PTPRF: variants seen among roughly 807,000 people sequenced by gnomAD.
PTPRF encodes the protein protein tyrosine phosphatase receptor type F.
In PTPRF, 59 loss-of-function variants were observed where a neutral mutation model predicts 201.8. The observed-to-expected ratio is 0.29, with a 90% confidence interval of 0.24 to 0.36. The LOEUF is 0.36. Ranked by LOEUF, PTPRF falls within the 10% of genes least tolerant of loss-of-function variation. The probability of loss-of-function intolerance (pLI) is 1.00; values close to 1 mark genes in which losing one functional copy is unlikely to be tolerated. For synonymous variants in PTPRF, 1,088 were observed against 1,089.7 expected (o/e 1.00, Z 0.03); for missense variants, 2,132 against 2,690.5 (o/e 0.79, Z 4.59).
rs145092417 is a variant in PTPRF at position 43,603,678 on chromosome 1, A to G, written c.2526A>G (p.Pro842=). Residue 842 remains proline (P), a synonymous_variant, in exon 16 of 34, where the codon CCA becomes CCG. Transcript: ENST00000359947. The surrounding 1 kb of genome is among the most constrained non-coding windows in gnomAD (Gnocchi z 5.8). ...AMNTALLQWH[P]PKELPGELLG... ...ACACTGCGCTGCTCCAGTGGCACCCACCCAAGGAACTGCCTGGCGAGCTGC... is the reference window on the plus strand; with the variant it reads ...ACACTGCGCTGCTCCAGTGGCACCCGCCCAAGGAACTGCCTGGCGAGCTGC... The G allele has an allele frequency of 2.8e-4, 449 of 1,613,534 alleles. No homozygotes were observed. In the African/African-American group the frequency reaches 5.6e-3, roughly 20 times the overall value.
At chr1:43,567,314 G>A (rs1466037353) in intron 5 of PTPRF, among the ~76,000 whole-genome samples, 1 of 152,196 alleles carries the variant, frequency 6.6e-6, no homozygotes, top group African/African-American at 2.4e-5. Flanking sequence ...CCTGCCTGGT[G>A]CATCTCAGTC....
intron 3 of PTPRF, among the ~76,000 whole-genome samples, chr1:43,548,711 T>C (rs989490299): frequency 1.1e-4 from 16 of 151,960 alleles, no homozygotes; most frequent in African/African-American, 3.6e-4. Context: ...TCCAGGGGGG[T>C]ACCAGGAACA....
intron 23 of PTPRF, 43 bp downstream of exon 23, chr1:43,613,758 A>G: frequency 6.5e-7 from 1 of 1,536,572 alleles, no homozygotes; most frequent in Non-Finnish European, 9.0e-7. Flanking sequence ...GCCCAGGCCT[A>G]CCCAAACCAG....
chr1:43,530,251 A>G (rs1643323635), upstream of PTPRF, among the ~76,000 whole-genome samples: 1 of 151,792 alleles, frequency 6.6e-6, no homozygotes, highest in African/African-American at 2.4e-5. This position sits in a 1 kb window ranked among gnomAD's most constrained non-coding sequence, Gnocchi z 4.1. Flanking sequence ...GCAGTACTGG[A>G]GTTTTATGTA....
At chr1:43,531,541 G>GCGCCCC (rs904200390) in intron 1 of PTPRF, among the ~76,000 whole-genome samples, 4 of 146,926 alleles carry the variant, frequency 2.7e-5, no homozygotes, top group Non-Finnish European at 6.1e-5. Flanking sequence ...GGTCCAGGCC[G>GCGCCCC]CGCCCCCGCC....
Position 43,591,825 on chromosome 1 carries a change from C to T in PTPRF, c.1545C>T (p.Pro515=), listed in dbSNP as rs779370540. 1.9e-5 allele frequency: 30 copies of T among 1,613,116 alleles called. No homozygotes were observed. Among genetic ancestry groups the T allele is most frequent in the Admixed American group, 5.0e-5 (3 of 59,994 alleles). The change falls in exon 10 of 34, where the codon CCC becomes CCT. Residue 515 remains proline (P), a synonymous_variant. Coordinates refer to ENST00000359947, the MANE Select transcript of PTPRF (RefSeq NM_002840.5). ...GGGGTGTTGCAGTGCCTGCCCAGCC[C>T]GCGGACTTCCAGGCCGAGGTGGAGT... is the stretch of plus-strand genomic sequence containing the variant. ...VKTQQGVPAQ[P]ADFQAEVESD... is the part of the protein sequence containing the mutation.
At chr1:43,617,173 AC>A (rs1225153513) in intron 23 of PTPRF, among the ~76,000 whole-genome samples, 1 of 151,722 alleles carries the variant, frequency 6.6e-6, no homozygotes, top group Non-Finnish European at 1.5e-5. Flanking sequence ...GCTTCGAGAG[AC>A]CCTTCACCTG....
At chr1:43,616,101 G>A (rs1485367087) in intron 23 of PTPRF, among the ~76,000 whole-genome samples, 1 of 151,948 alleles carries the variant, frequency 6.6e-6, no homozygotes, top group Non-Finnish European at 1.5e-5. Flanking sequence ...TGTGGGGTGT[G>A]CTGCGGGGTC....
intron 11 of PTPRF, among the ~76,000 whole-genome samples, chr1:43,596,395 C>G (rs1194528879): frequency 6.6e-6 from 1 of 151,910 alleles, no homozygotes; most frequent in Non-Finnish European, 1.5e-5. Context: ...TGCTGAAGTC[C>G]CCATGGCAGG....
chr1:43,568,185 C>T (rs1190654780), intron 5 of PTPRF, among the ~76,000 whole-genome samples: 1 of 151,902 alleles, frequency 6.6e-6, no homozygotes, highest in Non-Finnish European at 1.5e-5. Context: ...ATCCCAGCTA[C>T]TCGGGAGGCT....
chr1:43,564,592 A>G (rs1308591811), intron 5 of PTPRF, among the ~76,000 whole-genome samples: 5 of 151,718 alleles, frequency 3.3e-5, no homozygotes, highest in African/African-American at 1.2e-4. Context: ...CTGTTTCTCC[A>G]TGTATATTTC....
In PTPRF at chr1:43,606,623, G is replaced by A. The variant is rs570920676; in HGVS notation, c.3702+165G>A. On this transcript the variant is annotated intron_variant, in intron 20 of 33. Transcript: ENST00000359947. ...AGATCTGTCCCGGGGATCCTAAGAC[G>A]CGGCCCTGGGACCCAGAGGCCAGAC... Among the ~76,000 whole-genome samples, 10 of 152,100 alleles carry A rather than the reference G, an allele frequency of 6.6e-5. No homozygotes were observed. In the South Asian group the frequency reaches 8.3e-4, roughly 13 times the overall value.
At chr1:43,606,695 G>A in intron 20 of PTPRF, 119 bp from the exon 21 acceptor site, 6 of 1,405,160 alleles carry the variant, frequency 4.3e-6, no homozygotes, top group Non-Finnish European at 5.8e-6. Context: ...ACCTTGTAGG[G>A]TCTGGGAGAC....
At position 43,620,237 on chromosome 1, in the gene PTPRF, C is replaced by A; in HGVS notation, c.5238+16C>A. The A allele has an allele frequency of 1.2e-6, 2 of 1,613,016 alleles. No homozygotes were observed. The highest frequency in any genetic ancestry group is 1.7e-6 in the Non-Finnish European group (2 of 1,179,358). On this transcript the variant is annotated intron_variant, in intron 30 of 33. Coordinates refer to ENST00000359947, the MANE Select transcript of PTPRF (RefSeq NM_002840.5). Reference sequence around the variant, plus strand: ...GATGGGCAGGGTGAGCCCACCCTTTCCCCCAGGGCCCCTGTCATACCTGGG... The same window carrying A: ...GATGGGCAGGGTGAGCCCACCCTTTACCCCAGGGCCCCTGTCATACCTGGG...
At chr1:43,598,116 C>G in intron 12 of PTPRF, 63 bp downstream of exon 12, 1 of 1,409,892 alleles carries the variant, frequency 7.1e-7, no homozygotes, top group South Asian at 1.5e-5. Context: ...CACCAAGCTC[C>G]CCAGGGCCTT....
intron 13 of PTPRF, among the ~76,000 whole-genome samples, chr1:43,599,376 A>G (rs1203646452): frequency 6.6e-6 from 1 of 152,162 alleles, no homozygotes; most frequent in East Asian, 1.9e-4. Context: ...GTGCCCCACC[A>G]GGTCGGGGTT....
chr1:43,614,090 A>G (rs370092572), intron 23 of PTPRF, among the ~76,000 whole-genome samples: 3 of 152,374 alleles, frequency 2.0e-5, no homozygotes, highest in Admixed American at 2.0e-4. Context: ...AGCATCCTGC[A>G]GGCCAGCACC....
At chr1:43,544,828 G>T (rs532317846) in intron 2 of PTPRF, among the ~76,000 whole-genome samples, 251 of 152,026 alleles carry the variant, frequency 1.7e-3, no homozygotes, top group Non-Finnish European at 2.9e-3. Context: ...GTCCTTGTGG[G>T]TGCTGGGGAA....
At position 43,535,815 on chromosome 1, in the gene PTPRF, C is replaced by T. The variant is rs183752834; in HGVS notation, c.-125-2383C>T. On this transcript the variant is annotated intron_variant, in intron 1 of 33. Transcript: ENST00000359947. ...TTTGAAACAGAATCTCACTCTGTTGCCCAGGCTGGAGTGTAGTGGTGCAGT... is the reference window on the plus strand; with the variant it reads ...TTTGAAACAGAATCTCACTCTGTTGTCCAGGCTGGAGTGTAGTGGTGCAGT... Among the ~76,000 whole-genome samples the T allele has an allele frequency of 4.3e-3, 658 of 152,314 alleles. 3 individuals are homozygous for T. The highest frequency in any genetic ancestry group is 5.2e-3 in the Non-Finnish European group (351 of 68,018).
Sources: allele counts gnomAD v4.1 joint callset (sites outside exome capture counted in the v4.1 genomes callset), GRCh38; gene constraint gnomAD v4.1.1; non-coding constraint Gnocchi (gnomAD v3.1); transcripts MANE v1.5; gene names NCBI Gene and HGNC (gene_info 2026-07-23, HGNC 2026-07-21).